NBAS: variants seen among roughly 807,000 people sequenced by gnomAD.
NBAS encodes NBAS subunit of NRZ tethering complex.
NBAS carries 219 observed loss-of-function variants against 302.5 expected under a neutral mutation model. The observed-to-expected ratio is 0.72, with a 90% CI of 0.65 to 0.81. The LOEUF (loss-of-function observed/expected upper bound fraction) is 0.81, where lower values mean the gene tolerates loss of function less well. Among genes scored for constraint, NBAS ranks in the 30% least tolerant of loss-of-function variants. The probability of loss-of-function intolerance (pLI) is 0.00; values close to 1 mark genes in which losing one functional copy is unlikely to be tolerated. For missense variants in NBAS, 2,932 were observed against 2,841.6 expected, an observed-to-expected ratio of 1.03 and a Z score of -0.72; for synonymous variants, 1,118 against 1,021.6, an observed-to-expected ratio of 1.09 and a Z score of -1.80.
chr2:14,830,735 A>G, the NBAS span, among the ~76,000 whole-genome samples: 2 of 152,090 alleles, frequency 1.3e-5, no homozygotes, highest in Non-Finnish European at 2.9e-5. Context: ...GCCCCTTCCA[A>G]TCCATCCCCA....
intron 9 of NBAS, among the ~76,000 whole-genome samples, chr2:15,520,770 T>C (rs949196638): frequency 6.6e-6 from 1 of 152,232 alleles, no homozygotes; most frequent in Admixed American, 6.5e-5. Flanking sequence ...ATAAAATCTA[T>C]GCTTAAAAAC....
Position 15,276,919 on chromosome 2 carries a change from A to T in NBAS, c.5321T>A (p.Leu1774Ter). ...TTCTGGTTTAATGGCACAGTTCCCC[A>T]AATCTGCACAGCCACAGTTTTCCAG... ...TLLENCGCAD[L>*]GNCAIKPETH... The change falls in exon 43 of 52, where the codon TTG (leucine) becomes TAG (stop). Residue 1774 changes from leucine to a stop codon, truncating the protein, a stop_gained. Coordinates refer to ENST00000281513, the MANE Select transcript of NBAS (RefSeq NM_015909.4). LOFTEE classifies it high-confidence loss of function. 1 of 1,614,066 alleles carries T rather than the reference A, an allele frequency of 6.2e-7. No individual in the cohort carries two copies. The highest frequency in any genetic ancestry group is 8.5e-7 in the Non-Finnish European group (1 of 1,179,984).
At chr2:15,532,582 G>A (rs774794837) in intron 9 of NBAS, among the ~76,000 whole-genome samples, 9 of 151,114 alleles carry the variant, frequency 6.0e-5, no homozygotes, top group Non-Finnish European at 1.2e-4. Context: ...GTGCATACTC[G>A]TGGTAGAGTA....
the NBAS span, among the ~76,000 whole-genome samples, chr2:15,000,021 A>T: frequency 6.6e-6 from 1 of 152,246 alleles, no homozygotes; most frequent in African/African-American, 2.4e-5. Flanking sequence ...TATTGCCAAT[A>T]AGGCCAAGTT....
At chr2:14,911,271 A>G in the NBAS span, among the ~76,000 whole-genome samples, 1 of 152,194 alleles carries the variant, frequency 6.6e-6, no homozygotes, top group Non-Finnish European at 1.5e-5. Flanking sequence ...AAGTCAGAAA[A>G]TGTGCATTTG....
At chr2:15,421,136 A>T (rs868632412) in intron 23 of NBAS, among the ~76,000 whole-genome samples, 6 of 151,980 alleles carry the variant, frequency 3.9e-5, no homozygotes, top group Admixed American at 1.3e-4. Context: ...GCAAGTTTTT[A>T]AAAAAAACAA....
At chr2:15,030,837 C>T in the NBAS span, among the ~76,000 whole-genome samples, 1 of 152,018 alleles carries the variant, frequency 6.6e-6, no homozygotes, top group Non-Finnish European at 1.5e-5. Flanking sequence ...TCAATATCAC[C>T]CCCTCTCCTC....
At chr2:14,944,116 A>G in the NBAS span, among the ~76,000 whole-genome samples, 2 of 152,160 alleles carry the variant, frequency 1.3e-5, no homozygotes, top group Admixed American at 6.5e-5. Context: ...TGGCTAACGC[A>G]GTGAAACCCC....
chr2:15,126,765 C>T, the NBAS span, among the ~76,000 whole-genome samples: 1 of 152,186 alleles, frequency 6.6e-6, no homozygotes, highest in Non-Finnish European at 1.5e-5. Context: ...AGCAACACTG[C>T]TATGAAACAC....
At chr2:15,237,700 A>G (rs1342294356) in intron 45 of NBAS, among the ~76,000 whole-genome samples, 1 of 149,636 alleles carries the variant, frequency 6.7e-6, no homozygotes, top group African/African-American at 2.5e-5. Context: ...GGATCAAGCG[A>G]TTCACCTACC....
the NBAS span, among the ~76,000 whole-genome samples, chr2:15,029,582 T>C: frequency 6.6e-6 from 1 of 152,202 alleles, no homozygotes; most frequent in Non-Finnish European, 1.5e-5. Flanking sequence ...AGAACACGCA[T>C]GCGTATATCA....
At chr2:14,887,484 G>A in the NBAS span, among the ~76,000 whole-genome samples, 6 of 151,594 alleles carry the variant, frequency 4.0e-5, no homozygotes, top group Non-Finnish European at 7.4e-5. Flanking sequence ...AGAAATACGA[G>A]GCAGGGAGGG....
At chr2:15,465,900 A>T (rs1444363178) in intron 19 of NBAS, among the ~76,000 whole-genome samples, 1 of 152,218 alleles carries the variant, frequency 6.6e-6, no homozygotes, top group Non-Finnish European at 1.5e-5. Context: ...AACTAAGGCT[A>T]AGTATAAAAA....
chr2:14,884,626 C>A, the NBAS span, among the ~76,000 whole-genome samples: 1 of 152,260 alleles, frequency 6.6e-6, no homozygotes, highest in Admixed American at 6.5e-5. Context: ...TATGTGCATG[C>A]CCTAATCTAG....
the NBAS span, among the ~76,000 whole-genome samples, chr2:14,971,515 A>AAAAT: frequency 3.3e-5 from 5 of 152,154 alleles, no homozygotes; most frequent in African/African-American, 1.2e-4. Context: ...ACTCTGTCTC[A>AAAAT]AAATAAATAA....
At chr2:15,178,272 A>G in intron 51 of NBAS, 1 of 403,640 alleles carries the variant, frequency 2.5e-6, no homozygotes, top group African/African-American at 2.0e-5. Flanking sequence ...TAGTGTACAT[A>G]CTCAAACAGA....
chr2:15,246,645 CAAAG>C (rs1668106735), intron 44 of NBAS, among the ~76,000 whole-genome samples: 1 of 152,126 alleles, frequency 6.6e-6, no homozygotes, highest in Non-Finnish European at 1.5e-5. Flanking sequence ...TGAGTTGAAA[CAAAG>C]AAACAAAAAA....
chr2:14,796,039 G>A, the NBAS span, among the ~76,000 whole-genome samples: 1 of 152,210 alleles, frequency 6.6e-6, no homozygotes. Context: ...ATATAAGGTA[G>A]TGTTAAAGTT....
At chr2:14,814,896 TG>T in the NBAS span, among the ~76,000 whole-genome samples, 1 of 152,136 alleles carries the variant, frequency 6.6e-6, no homozygotes, top group Non-Finnish European at 1.5e-5. Flanking sequence ...ATCATGGAAG[TG>T]GTTTCTAACT....
Sources: gnomAD v4.1 joint callset for allele counts (sites outside exome capture counted in the v4.1 genomes callset) on GRCh38, gnomAD v4.1.1 for gene constraint, MANE v1.5 for transcripts, NCBI Gene and HGNC (gene_info 2026-07-23, HGNC 2026-07-21) for gene names.